Variants in VTI1A observed in about 807,000 individuals in gnomAD.
The protein encoded by VTI1A is vesicle transport through interaction with t-SNAREs 1A.
In VTI1A, 22 loss-of-function variants were observed where a neutral mutation model predicts 34.9. The ratio of observed to expected loss-of-function variants is 0.63; its 90% CI spans 0.45 to 0.90. The LOEUF (loss-of-function observed/expected upper bound fraction) is 0.90, where lower values mean the gene tolerates loss of function less well. VTI1A is among the 40% of genes least tolerant of loss of function. VTI1A has a pLI of 0.00. For synonymous variants in VTI1A, 87 were observed against 97.3 expected (o/e 0.89, Z 0.62); for missense variants, 268 against 275.6 (o/e 0.97, Z 0.20).
chr10:112,538,381 C>G (rs1269428338), intron 5 of VTI1A, 51 bp downstream of exon 5: 1 of 1,520,722 alleles, frequency 6.6e-7, no homozygotes. Flanking sequence ...CAGCAGTCTT[C>G]ACAACACATG....
At chr10:112,734,454 A>G (rs1216441776) in intron 7 of VTI1A, among the ~76,000 whole-genome samples, 1 of 152,024 alleles carries the variant, frequency 6.6e-6, no homozygotes, top group Non-Finnish European at 1.5e-5. Flanking sequence ...TCCCTGGTCC[A>G]TTAATCAGAG....
At chr10:112,486,074 C>T (rs566630196) in intron 3 of VTI1A, among the ~76,000 whole-genome samples, 1 of 152,204 alleles carries the variant, frequency 6.6e-6, no homozygotes, top group Admixed American at 6.5e-5. Context: ...CCTTTCTGTC[C>T]CACACATATT....
At chr10:112,849,968 C>T in the VTI1A span, among the ~76,000 whole-genome samples, 1 of 152,184 alleles carries the variant, frequency 6.6e-6, no homozygotes, top group African/African-American at 2.4e-5. Context: ...TCCCGGCCCT[C>T]ACCCAGGAAG....
chr10:112,508,977 A>G (rs1282601208), intron 3 of VTI1A, among the ~76,000 whole-genome samples: 4 of 152,212 alleles, frequency 2.6e-5, no homozygotes, highest in Non-Finnish European at 5.9e-5. Flanking sequence ...AAGAACTGGA[A>G]TAGAGTAGCC....
chr10:112,660,221 C>T (rs528205572), intron 5 of VTI1A, among the ~76,000 whole-genome samples: 37 of 152,292 alleles, frequency 2.4e-4, no homozygotes, highest in Admixed American at 9.1e-4. Context: ...CTGCCTCAGC[C>T]TCCTGAGTAG....
chr10:112,772,587 G>A (rs1343794946), intron 7 of VTI1A, among the ~76,000 whole-genome samples: 3 of 152,056 alleles, frequency 2.0e-5, no homozygotes, highest in Admixed American at 1.3e-4. Context: ...TGCGCTTTTG[G>A]TGTCACATCT....
chr10:112,836,466 C>G, the VTI1A span, among the ~76,000 whole-genome samples: 4 of 152,286 alleles, frequency 2.6e-5, no homozygotes, highest in East Asian at 7.7e-4. Flanking sequence ...AGTCCATGCC[C>G]CCTCACGTGC....
chr10:112,805,462 G>T (rs542352483), intron 7 of VTI1A, among the ~76,000 whole-genome samples: 1 of 152,170 alleles, frequency 6.6e-6, no homozygotes, highest in Non-Finnish European at 1.5e-5. Flanking sequence ...GACAGACTGC[G>T]TAGTCCCCAA....
At chr10:112,768,384 C>G (rs1027693862) in intron 7 of VTI1A, among the ~76,000 whole-genome samples, 1 of 152,188 alleles carries the variant, frequency 6.6e-6, no homozygotes, top group Non-Finnish European at 1.5e-5. Context: ...AAATAGAAGA[C>G]TCTTAGCTTT....
chr10:112,736,632 C>T (rs1327758779), intron 7 of VTI1A: 38 of 1,522,398 alleles, frequency 2.5e-5, no homozygotes, highest in South Asian at 3.7e-5. Context: ...GTTCTAAATG[C>T]CAAAATTGGA....
At chr10:112,756,943 G>A (rs1444938471) in intron 7 of VTI1A, among the ~76,000 whole-genome samples, 1 of 151,854 alleles carries the variant, frequency 6.6e-6, no homozygotes, top group Non-Finnish European at 1.5e-5. Flanking sequence ...CTACTCAAGA[G>A]GCTGAGGTGG....
At chr10:112,829,269 C>G in the VTI1A span, among the ~76,000 whole-genome samples, 4 of 151,018 alleles carry the variant, frequency 2.6e-5, no homozygotes, top group African/African-American at 9.8e-5. Flanking sequence ...ACGGTGAAAC[C>G]CCGTCTCTAC....
At chr10:112,803,723 G>A (rs1186161943) in intron 7 of VTI1A, among the ~76,000 whole-genome samples, 1 of 152,172 alleles carries the variant, frequency 6.6e-6, no homozygotes, top group Non-Finnish European at 1.5e-5. Context: ...CTGTGATCGT[G>A]CCACTGCACA....
intron 5 of VTI1A, among the ~76,000 whole-genome samples, chr10:112,606,194 T>C (rs1845075620): frequency 6.6e-6 from 1 of 151,816 alleles, no homozygotes; most frequent in Non-Finnish European, 1.5e-5. Context: ...CCTGGCTAAT[T>C]TTGTATTTTT....
At chr10:112,752,412 C>T (rs922578179) in intron 7 of VTI1A, 35 of 985,234 alleles carry the variant, frequency 3.6e-5, no homozygotes, top group East Asian at 1.1e-4. Flanking sequence ...ATCTCTTTAC[C>T]GGGGAGTCAG....
rs529714863 is a variant in VTI1A, at chr10:112,696,405, T to C, written c.560+27407T>C. On this transcript the variant is annotated intron_variant, in intron 7 of 7. Coordinates refer to ENST00000393077, the MANE Select transcript of VTI1A (RefSeq NM_145206.4). ...AATTCCTGAGGCTGGTTTGCATGCA[T>C]TTCAAGACCAACCTAAGTAAAATTG... Among the ~76,000 whole-genome samples, 17 of 152,280 alleles carry C rather than the reference T, an allele frequency of 1.1e-4. No homozygotes were observed. The South Asian group carries it at 1.5e-3, about 13-fold the overall frequency.
intron 3 of VTI1A, among the ~76,000 whole-genome samples, chr10:112,520,672 T>TATAA (rs1491585717): frequency 6.9e-5 from 10 of 143,994 alleles, no homozygotes; most frequent in African/African-American, 2.5e-4. Flanking sequence ...TATATATATA[T>TATAA]AAAACCTCAT....
intron 3 of VTI1A, among the ~76,000 whole-genome samples, chr10:112,488,094 A>G (rs1589821643): frequency 6.6e-6 from 1 of 152,214 alleles, no homozygotes; most frequent in Non-Finnish European, 1.5e-5. Flanking sequence ...GTCAGAATAC[A>G]TACTTCCAAT....
At chr10:112,501,265 A>C (rs1016705053) in intron 3 of VTI1A, among the ~76,000 whole-genome samples, 1 of 152,168 alleles carries the variant, frequency 6.6e-6, no homozygotes, top group Non-Finnish European at 1.5e-5. Flanking sequence ...ATGGTCAATA[A>C]AACTTCATGG....
Sources: gnomAD v4.1 joint callset for allele counts (sites outside exome capture counted in the v4.1 genomes callset) on GRCh38, gnomAD v4.1.1 for gene constraint, MANE v1.5 for transcripts, NCBI Gene and HGNC (gene_info 2026-07-23, HGNC 2026-07-21) for gene names.